KANK3: variants seen among roughly 807,000 people sequenced by gnomAD.
KANK3 encodes KN motif and ankyrin repeat domain-containing protein 3.
KANK3 carries 61 observed loss-of-function variants against 65.4 expected under a neutral mutation model. That is an observed-to-expected ratio of 0.93 (90% CI 0.76 to 1.15). The LOEUF is 1.15. Among genes scored for constraint, KANK3 ranks in the 50% most tolerant of loss-of-function variants. KANK3 has a pLI of 0.00. For synonymous variants in KANK3, 586 were observed against 543.3 expected, an observed-to-expected ratio of 1.08 and a Z score of -1.09; for missense variants, 1,187 against 1,178.8, an observed-to-expected ratio of 1.01 and a Z score of -0.10.
At position 8,334,515 on chromosome 19, in the gene KANK3, C is replaced by T. The variant is rs1741949723; in HGVS notation, c.1312G>A (p.Ala438Thr). 1 of 1,604,224 alleles carries T rather than the reference C, an allele frequency of 6.2e-7. No homozygotes were observed. Among genetic ancestry groups the T allele is most frequent in the South Asian group, 1.1e-5 (1 of 90,914 alleles). Residue 438 changes from alanine to threonine, a missense_variant, in exon 3 of 11, where the codon GCC becomes ACC. Ala to Thr is a moderately conservative substitution (Grantham distance 58). This residue lies in a region of KANK3 where 1,078 missense variants were observed against 1,038.2 expected (regional missense o/e 1.04). Transcript: ENST00000330915. The part of the protein sequence containing the change: ...SSPGSMDGDR[A>T]VAPAGILKSI... Reference sequence around the variant, plus strand: ...CGGGACTCACCCGCGGGCGCCACGGCCCTGTCTCCGTCCATGGATCCGGGC... The same window carrying T: ...CGGGACTCACCCGCGGGCGCCACGGTCCTGTCTCCGTCCATGGATCCGGGC...
chr19:8,333,757 C>T lies in KANK3; in HGVS notation c.1686G>A (p.Gln562=), dbSNP rs1413212056. 22 of 1,486,760 alleles carry T rather than the reference C, an allele frequency of 1.5e-5. No individual in the cohort carries two copies. The highest frequency in any genetic ancestry group is 1.8e-5 in the Non-Finnish European group (20 of 1,115,150). The allele number at this position is 1,486,760 out of a possible 1,614,324, so 92.1% of individuals were successfully genotyped here. A position where few individuals can be genotyped will look rare whatever the true frequency, so the allele number is the denominator to read the frequency against. Residue 562 remains glutamine, a synonymous_variant, in exon 6 of 11, where the codon CAG becomes CAA. Coordinates refer to ENST00000330915, the MANE Select transcript of KANK3 (RefSeq NM_198471.3). This position sits in a 1 kb window ranked among gnomAD's most constrained non-coding sequence, Gnocchi z 5.0. ...LREACVALQR[Q]LSRPRGVASD... is the part of the protein sequence containing the mutation. ...TGGCTACTCCGCGGGGCCGGCTCAG[C>T]TGCCGCTGCAGCGCTACGCACGCCT...
In KANK3 at chr19:8,337,144, T is replaced by A. The variant is rs1262204345; in HGVS notation, c.34+651A>T. On this transcript the variant is annotated intron_variant, in intron 2 of 10. Transcript: ENST00000330915. ...GCCTCCCAGGTTCCAGCAATTCTCC[T>A]GCCTCAGCCTCCTGAGTAGCTGGGA... Among the ~76,000 whole-genome samples, 37 of 151,598 alleles carry A rather than the reference T, an allele frequency of 2.4e-4. 1 individual carries two copies. The highest frequency in any genetic ancestry group is 8.7e-4 in the African/African-American group (36 of 41,370).
At position 8,333,991 on chromosome 19, in the gene KANK3, G is replaced by A; in HGVS notation, c.1553C>T (p.Thr518Ile). ...GTCCCCGCCGCTGGGAGGGCCAGGG[G>A]TGCCCGAGTCGGATCCCCCGCCGCT... ...DDSGGGSDSG[T>I]PGPPSGGDIR... The change falls in exon 5 of 11, where the codon ACC becomes ATC. Residue 518 changes from threonine (T) to isoleucine (I), a missense_variant. Thr to Ile is a moderately conservative substitution (Grantham distance 89, BLOSUM62 -1). Transcript: ENST00000330915. The surrounding 1 kb of genome is among the most constrained non-coding windows in gnomAD (Gnocchi z 5.0). 1 of 1,563,300 alleles carries A rather than the reference G, an allele frequency of 6.4e-7. No individual in the cohort carries two copies.
chr19:8,342,825 T>G (rs1970737796), intron 1 of KANK3, among the ~76,000 whole-genome samples: 2 of 152,248 alleles, frequency 1.3e-5, no homozygotes, highest in Non-Finnish European at 2.9e-5. Context: ...ACCCATTGTC[T>G]GCGGGTCCGG....
intron 7 of KANK3, among the ~76,000 whole-genome samples, chr19:8,325,735 C>G (rs892874206): frequency 1.3e-5 from 2 of 152,150 alleles, no homozygotes; most frequent in South Asian, 2.1e-4. Flanking sequence ...GGCCACCACC[C>G]GCCAAGCCAC....
rs1485615424 is a variant in KANK3 at position 8,335,898 on chromosome 19, A to G, written c.35-106T>C. On this transcript the variant is annotated intron_variant, in intron 2 of 10. Coordinates refer to ENST00000330915, the MANE Select transcript of KANK3 (RefSeq NM_198471.3). ...CCACCCATGCCCACGCTTCACACCT[A>G]TCTGTACCCAAGTATTAACTCAATC... The G allele has an allele frequency of 5.3e-6, 4 of 753,474 alleles. No individual in the cohort carries two copies. In the African/African-American group the frequency reaches 7.3e-5, roughly 14 times the overall value. 46.7% of individuals were successfully genotyped at this position (753,474 alleles called of 1,614,324 possible).
At chr19:8,329,296 G>A (rs1019080367) in intron 7 of KANK3, among the ~76,000 whole-genome samples, 35 of 151,092 alleles carry the variant, frequency 2.3e-4, no homozygotes, top group African/African-American at 8.5e-4. Context: ...AGACCAGCCT[G>A]GCCAACATGG....
At chr19:8,340,109 C>A (rs749791581) in intron 1 of KANK3, among the ~76,000 whole-genome samples, 1 of 150,816 alleles carries the variant, frequency 6.6e-6, no homozygotes, top group Non-Finnish European at 1.5e-5. Context: ...TAAATGTCAT[C>A]GCCATAGCTG....
Position 8,324,702 on chromosome 19 carries a change from A to G in KANK3, c.2211T>C (p.Ser737=), listed in dbSNP as rs773588012. 6.8e-6 allele frequency: 11 copies of G among 1,614,026 alleles called. No individual in the cohort carries two copies. Among genetic ancestry groups the G allele is most frequent in the Non-Finnish European group, 9.3e-6 (11 of 1,180,020 alleles). The change falls in exon 9 of 11, where the codon AGT becomes AGC. Residue 737 remains serine (S), a synonymous_variant. Coordinates refer to ENST00000330915, the MANE Select transcript of KANK3 (RefSeq NM_198471.3). The stretch of plus-strand genomic sequence containing the variant: ...GCACGGTGTCCAGGCGCCCATACTC[A>G]CTGGCACACATCAGCGCTGTGGCCC... ...ADGATALMCA[S]EYGRLDTVRL...
Position 8,333,073 on chromosome 19 carries a change from G to T in KANK3, c.1877C>A (p.Ala626Asp). ...VNLADGNGNT[A>D]LHYSVSHGNL... Reference sequence around the variant, plus strand: ...CCCGTGGGACACACTGTAGTGCAGGGCCGTGTTCCCGTTGCCATCCGCCAG... The same window carrying T: ...CCCGTGGGACACACTGTAGTGCAGGTCCGTGTTCCCGTTGCCATCCGCCAG... Residue 626 changes from alanine (A) to aspartate (D), a missense_variant, in exon 7 of 11, where the codon GCC becomes GAC. By Grantham distance (126) the Ala-to-Asp change is moderately radical. Transcript: ENST00000330915. The surrounding 1 kb of genome is among the most constrained non-coding windows in gnomAD (Gnocchi z 5.0). The T allele has an allele frequency of 6.2e-7, 1 of 1,612,888 alleles. No homozygotes were observed. Among genetic ancestry groups the T allele is most frequent in the Non-Finnish European group, 8.5e-7 (1 of 1,179,786 alleles).
intron 7 of KANK3, among the ~76,000 whole-genome samples, chr19:8,329,669 G>C (rs1475622171): frequency 6.6e-6 from 1 of 152,048 alleles, no homozygotes; most frequent in Non-Finnish European, 1.5e-5. Flanking sequence ...ATAAAACCTA[G>C]AGTGGGCCGC....
chr19:8,338,706 T>C (rs1970681595), intron 1 of KANK3, among the ~76,000 whole-genome samples: 1 of 151,260 alleles, frequency 6.6e-6, no homozygotes, highest in South Asian at 2.1e-4. Flanking sequence ...AAACCCCATC[T>C]CTACTAAAAA....
chr19:8,334,125 A>C lies in KANK3; in HGVS notation c.1428-9T>G. ...TGGAGGAGCTCTCGTACCTGGGGGCAGGGTGGGAGGTGTCTGCTAAACCTC... is the reference window on the plus strand; with the variant it reads ...TGGAGGAGCTCTCGTACCTGGGGGCCGGGTGGGAGGTGTCTGCTAAACCTC... On this transcript the variant is annotated splice_polypyrimidine_tract_variant and intron_variant, in intron 4 of 10. Transcript: ENST00000330915. The C allele has an allele frequency of 6.6e-7, 1 of 1,504,320 alleles. No homozygotes were observed. The allele number at this position is 1,504,320 out of a possible 1,614,324, so 93.2% of individuals were successfully genotyped here.
intron 7 of KANK3, among the ~76,000 whole-genome samples, chr19:8,331,289 G>A (rs980910314): frequency 6.6e-6 from 1 of 152,128 alleles, no homozygotes; most frequent in Non-Finnish European, 1.5e-5. Context: ...GACCAACGAC[G>A]CCTACTTCCT....
In KANK3 at chr19:8,322,894, G is replaced by T; in HGVS notation, c.2411C>A (p.Ala804Asp). ...ACCGCATTCTCCTTCACCAGGTGTG[G>T]CTGTCTGGGAGCCAGGGGGTGACTC... ...QSESPPGSQT[A>D]TPGEGECGDN... The change falls in exon 11 of 11, where the codon GCC becomes GAC. Residue 804 changes from alanine (A) to aspartate (D), a missense_variant. Physicochemically the swap from Ala to Asp is moderately radical, Grantham distance 126. Transcript: ENST00000330915. The T allele has an allele frequency of 6.4e-7, 1 of 1,561,210 alleles. No homozygotes were observed. Among genetic ancestry groups the T allele is most frequent in the Non-Finnish European group, 8.7e-7 (1 of 1,153,662 alleles).
In KANK3 at chr19:8,337,820, CTT is replaced by C; in HGVS notation, c.7_8del (p.Lys3ValfsTer82). The C allele has an allele frequency of 1.2e-6, 2 of 1,613,532 alleles. No individual in the cohort carries two copies. Among genetic ancestry groups the C allele is most frequent in the Non-Finnish European group, 1.7e-6 (2 of 1,179,996 alleles). The stretch of plus-strand genomic sequence containing the variant: ...CGGGCAGGTTCTGATTCAGGGCAAA[CTT>C]GGCCATGTTTCCTGCAGCAGCTGTC... Reference protein sequence around the residue: MAKFALNQNLPDL... With the variant: MAXFALNQNLPDL... On this transcript the variant is annotated frameshift_variant, in exon 2 of 11. Coordinates refer to ENST00000330915, the MANE Select transcript of KANK3 (RefSeq NM_198471.3). LOFTEE classifies it high-confidence loss of function.
rs1340257892 is a variant in KANK3 at position 8,335,098 on chromosome 19, C to T, written c.729G>A (p.Lys243=). 1.5e-6 allele frequency: 2 copies of T among 1,298,358 alleles called. No individual in the cohort carries two copies. The highest frequency in any genetic ancestry group is 2.9e-4 in the Middle Eastern group (1 of 3,392). The allele number at this position is 1,298,358 out of a possible 1,614,324, so 80.4% of individuals were successfully genotyped here. A position where few individuals can be genotyped will look rare whatever the true frequency, so the allele number is the denominator to read the frequency against. ...PDGEAETRPD[K]LAQLRRLTER... ...CGGTGAGCCGCCGCAGCTGGGCGAG[C>T]TTGTCCGGGCGCGTCTCAGCCTCCC... Residue 243 remains lysine, a synonymous_variant, in exon 3 of 11, where the codon AAG becomes AAA. Transcript: ENST00000330915.
rs113144964 is a variant in KANK3, at chr19:8,331,118, G to A, written c.1936+1896C>T. ...TGAGGCAGGAGAATGGCGTGAACCCGGGAGGCGTAGGTTGCAGTGAGCAGA... is the reference window on the plus strand; with the variant it reads ...TGAGGCAGGAGAATGGCGTGAACCCAGGAGGCGTAGGTTGCAGTGAGCAGA... On this transcript the variant is annotated intron_variant, in intron 7 of 10. Transcript: ENST00000330915. Among the ~76,000 whole-genome samples, 493 of 151,910 alleles carry A rather than the reference G, an allele frequency of 3.2e-3. 2 individuals carry two copies. The highest frequency in any genetic ancestry group is 0.014 in the Middle Eastern group (4 of 294).
Position 8,324,662 on chromosome 19 carries a change from G to C in KANK3, c.2251C>G (p.Gln751Glu). The C allele has an allele frequency of 6.2e-7, 1 of 1,614,034 alleles. No homozygotes were observed. Among genetic ancestry groups the C allele is most frequent in the Non-Finnish European group, 8.5e-7 (1 of 1,180,024 alleles). The stretch of plus-strand genomic sequence containing the variant: ...AGGATGGCAGGGTCACAGCCTGGCT[G>C]GGTGAGCAGCAGCCGCACGGTGTCC... Reference protein sequence around the residue: ...RLDTVRLLLTQPGCDPAILDN... With the variant: ...RLDTVRLLLTEPGCDPAILDN... The change falls in exon 9 of 11, where the codon CAG becomes GAG. Residue 751 changes from glutamine to glutamate, a missense_variant. Gln to Glu is a conservative substitution (Grantham distance 29). Coordinates refer to ENST00000330915, the MANE Select transcript of KANK3 (RefSeq NM_198471.3).
Sources: gnomAD v4.1 joint callset for allele counts (sites outside exome capture counted in the v4.1 genomes callset) on GRCh38, gnomAD v4.1.1 for gene constraint, gnomAD v4.1.1 regional missense constraint, Gnocchi (gnomAD v3.1) non-coding constraint, MANE v1.5 for transcripts, NCBI Gene and HGNC (gene_info 2026-07-23, HGNC 2026-07-21) for gene names.